The following OCLN variants were observed in gnomAD, a reference collection of about 807,000 sequenced individuals.
OCLN encodes occludin, also known as phosphatase 1, regulatory subunit 115.
In OCLN, 21 loss-of-function variants were observed where a neutral mutation model predicts 47.9. The observed-to-expected ratio is 0.44, with a 90% CI of 0.31 to 0.63. The LOEUF (loss-of-function observed/expected upper bound fraction) is 0.63, where lower values mean the gene tolerates loss of function less well. OCLN is among the 30% of genes least tolerant of loss of function. The pLI is 0.08. For synonymous variants in OCLN, 117 were observed against 198.4 expected, an observed-to-expected ratio of 0.59 and a Z score of 3.45; for missense variants, 360 against 571.0, an observed-to-expected ratio of 0.63 and a Z score of 3.77.
intron 1 of OCLN, among the ~76,000 whole-genome samples, chr5:69,498,972 C>T (rs1768380990): frequency 6.6e-6 from 1 of 152,180 alleles, no homozygotes; most frequent in Non-Finnish European, 1.5e-5. Context: ...AGCCACTGCA[C>T]CCAGACCTCT....
rs1179280953 is a variant in OCLN at position 69,531,133 on chromosome 5, T to C, written c.892-3561T>C. Among the ~76,000 whole-genome samples the C allele has an allele frequency of 2.6e-5, 4 of 152,238 alleles. No homozygotes were observed. The East Asian group carries it at 7.7e-4, about 29-fold the overall frequency. On this transcript the variant is annotated intron_variant, in intron 4 of 8. Transcript: ENST00000396442. ...ATCTGTCACTTCAATATTTGGCTAA[T>C]TGTAAGCAGTCAGATAGTGGTGGCT...
intron 1 of OCLN, among the ~76,000 whole-genome samples, chr5:69,501,703 A>G (rs1227281583): frequency 6.6e-6 from 1 of 152,110 alleles, no homozygotes; most frequent in Non-Finnish European, 1.5e-5. Context: ...TGATTTGTGC[A>G]CTTTTCTCTA....
intron 4 of OCLN, among the ~76,000 whole-genome samples, chr5:69,530,022 G>A (rs1219575785): frequency 4.6e-5 from 7 of 152,142 alleles, no homozygotes; most frequent in African/African-American, 1.7e-4. Context: ...TTAGAATTAT[G>A]CCTAGCTGGT....
chr5:69,549,761 G>C (rs1769811819), intron 7 of OCLN, among the ~76,000 whole-genome samples: 1 of 151,064 alleles, frequency 6.6e-6, no homozygotes, highest in Admixed American at 6.6e-5. Flanking sequence ...AATCACTTAC[G>C]TAAGTATGGA....
upstream of OCLN, chr5:69,492,730 G>C (rs1490408343): frequency 6.5e-6 from 1 of 152,716 alleles, no homozygotes; most frequent in African/African-American, 2.4e-5. Context: ...CCCGGGGGCA[G>C]GGCCGGTTGT....
intron 1 of OCLN, among the ~76,000 whole-genome samples, chr5:69,503,012 ATTAC>A (rs1347218359): frequency 6.6e-6 from 1 of 152,196 alleles, no homozygotes; most frequent in African/African-American, 2.4e-5. Context: ...CCTTGAGCAT[ATTAC>A]TTCACATCTC....
chr5:69,521,705 C>CAAAG (rs1769143072), intron 4 of OCLN, among the ~76,000 whole-genome samples: 1 of 152,056 alleles, frequency 6.6e-6, no homozygotes. Context: ...TTCTACTAAC[C>CAAAG]CTGATGGTAT....
chr5:69,522,634 G>A (rs1314521687), intron 4 of OCLN, among the ~76,000 whole-genome samples: 1 of 151,926 alleles, frequency 6.6e-6, no homozygotes, highest in East Asian at 1.9e-4. Context: ...TAAGATAAAT[G>A]TTTCATTTTA....
chr5:69,519,472 C>T (rs1045070319), intron 4 of OCLN, among the ~76,000 whole-genome samples: 1 of 152,140 alleles, frequency 6.6e-6, no homozygotes, highest in African/African-American at 2.4e-5. Context: ...TTTCCCCCTT[C>T]CTTTTTCTGG....
chr5:69,495,306 T>C (rs1383764369), intron 1 of OCLN, among the ~76,000 whole-genome samples: 1 of 152,214 alleles, frequency 6.6e-6, no homozygotes, highest in African/African-American at 2.4e-5. Flanking sequence ...AACCCAGTGA[T>C]TCCAGTCTTG....
intron 4 of OCLN, among the ~76,000 whole-genome samples, chr5:69,519,464 T>TC (rs1242394901): frequency 6.6e-6 from 1 of 152,190 alleles, no homozygotes; most frequent in African/African-American, 2.4e-5. Flanking sequence ...GGGCTTTTTT[T>TC]CCCCCTTCCT....
At chr5:69,522,537 G>T (rs987994859) in intron 4 of OCLN, among the ~76,000 whole-genome samples, 1 of 152,054 alleles carries the variant, frequency 6.6e-6, no homozygotes, top group East Asian at 1.9e-4. Context: ...AGCAAACTTA[G>T]AAGTGTCGTG....
At chr5:69,515,640 C>G (rs1182998902) in intron 4 of OCLN, among the ~76,000 whole-genome samples, 1 of 149,914 alleles carries the variant, frequency 6.7e-6, no homozygotes, top group African/African-American at 2.5e-5. Context: ...GGGGGCTGAC[C>G]CCCCCACCTC....
At chr5:69,500,214 C>G (rs887051871) in intron 1 of OCLN, among the ~76,000 whole-genome samples, 8 of 152,094 alleles carry the variant, frequency 5.3e-5, no homozygotes, top group African/African-American at 1.7e-4. Flanking sequence ...AATTGGGTGC[C>G]GTAATCCAGC....
At chr5:69,519,009 G>T (rs1769054635) in intron 4 of OCLN, among the ~76,000 whole-genome samples, 1 of 152,108 alleles carries the variant, frequency 6.6e-6, no homozygotes, top group Non-Finnish European at 1.5e-5. Context: ...GTGGGCACAG[G>T]TGCCTGTAGT....
At chr5:69,496,541 CTAT>C (rs1046957711) in intron 1 of OCLN, among the ~76,000 whole-genome samples, 7 of 146,066 alleles carry the variant, frequency 4.8e-5, no homozygotes, top group Admixed American at 6.8e-5. Flanking sequence ...CATTTTCAGA[CTAT>C]TTTTTCTTTT....
At chr5:69,533,173 G>A (rs1285949779) in intron 4 of OCLN, among the ~76,000 whole-genome samples, 1 of 151,444 alleles carries the variant, frequency 6.6e-6, no homozygotes, top group Non-Finnish European at 1.5e-5. Flanking sequence ...AGTTGGCTGT[G>A]CTTTTTATGT....
intron 1 of OCLN, among the ~76,000 whole-genome samples, chr5:69,499,104 G>A (rs1399946846): frequency 6.6e-6 from 1 of 151,972 alleles, no homozygotes; most frequent in East Asian, 1.9e-4. Context: ...TTTTAGACAG[G>A]GTATTACTGT....
At chr5:69,525,454 T>C (rs1769254155) in intron 4 of OCLN, among the ~76,000 whole-genome samples, 1 of 152,172 alleles carries the variant, frequency 6.6e-6, no homozygotes, top group Non-Finnish European at 1.5e-5. Context: ...TCATATATAA[T>C]CTAAACCAGC....
Sources: gnomAD v4.1 joint callset for allele counts (sites outside exome capture counted in the v4.1 genomes callset) on GRCh38, gnomAD v4.1.1 for gene constraint, MANE v1.5 for transcripts, NCBI Gene and HGNC (gene_info 2026-07-23, HGNC 2026-07-21) for gene names.